The following STX18 variants were observed in gnomAD, a reference collection of about 807,000 sequenced individuals.
The protein encoded by STX18 is syntaxin-18.
In STX18, 40 loss-of-function variants were observed where a neutral mutation model predicts 50.1. That is an observed-to-expected ratio of 0.80 (90% CI 0.62 to 1.04). STX18 has a LOEUF of 1.04. Among genes scored for constraint, STX18 ranks in the 50% least tolerant of loss-of-function variants. STX18 has a pLI of 0.00. For synonymous variants in STX18, 158 were observed against 151.8 expected, an observed-to-expected ratio of 1.04 and a Z score of -0.30; for missense variants, 410 against 415.8, an observed-to-expected ratio of 0.99 and a Z score of 0.12.
chr4:4,448,981 C>T (rs1726588005), intron 5 of STX18, among the ~76,000 whole-genome samples: 1 of 150,614 alleles, frequency 6.6e-6, no homozygotes, highest in South Asian at 2.1e-4. Context: ...AAGCAGTAGA[C>T]CAAAAAAAAA....
chr4:4,521,757 G>A (rs1260822040), intron 1 of STX18, among the ~76,000 whole-genome samples: 2 of 151,766 alleles, frequency 1.3e-5, no homozygotes, highest in Admixed American at 1.3e-4. Context: ...CAAGCCAACT[G>A]TCAACATCCT....
chr4:4,507,817 A>AG lies in STX18; in HGVS notation c.168+33979_168+33980insC. On this transcript the variant is annotated intron_variant, in intron 1 of 10. Coordinates refer to ENST00000306200, the MANE Select transcript of STX18 (RefSeq NM_016930.4). The stretch of plus-strand genomic sequence containing the variant: ...GACTAAATAAAATATATTCACAGTA[A>AG]AAAAAAAAAAAAAAAAAAAAGTTAA... 1.7e-5 allele frequency: 3 copies of AG among 175,658 alleles called. No homozygotes were observed. The Admixed American group carries it at 2.3e-4, about 13-fold the overall frequency. 10.9% of individuals were successfully genotyped at this position (175,658 alleles called of 1,614,324 possible). A position where few individuals can be genotyped will look rare whatever the true frequency, so the allele number is the denominator to read the frequency against.
chr4:4,432,346 G>A (rs564354877), intron 7 of STX18, among the ~76,000 whole-genome samples: 15 of 152,346 alleles, frequency 9.8e-5, no homozygotes, highest in African/African-American at 3.4e-4. Flanking sequence ...CTGCCATCCT[G>A]CATGCCCTGA....
chr4:4,436,392 A>T (rs954591858), intron 6 of STX18, among the ~76,000 whole-genome samples: 1 of 152,046 alleles, frequency 6.6e-6, no homozygotes, highest in African/African-American at 2.4e-5. Flanking sequence ...GAACATTTGT[A>T]CTTTCATCTA....
intron 1 of STX18, among the ~76,000 whole-genome samples, chr4:4,497,222 C>T (rs908943768): frequency 7.2e-5 from 11 of 152,174 alleles, no homozygotes; most frequent in Non-Finnish European, 1.2e-4. Flanking sequence ...CAGGATAGCT[C>T]GACCTCCAAT....
chr4:4,453,861 C>T (rs1726911213), intron 5 of STX18, among the ~76,000 whole-genome samples: 1 of 152,210 alleles, frequency 6.6e-6, no homozygotes, highest in South Asian at 2.1e-4. Context: ...ACTGGGCATA[C>T]ACTACATACT....
At chr4:4,449,618 C>T (rs1726640621) in intron 5 of STX18, among the ~76,000 whole-genome samples, 2 of 152,184 alleles carry the variant, frequency 1.3e-5, no homozygotes, top group Non-Finnish European at 2.9e-5. Context: ...TTTCTTCTTG[C>T]TGCATCCTAT....
At chr4:4,425,508 T>C (rs1013633750) in intron 7 of STX18, 1 of 537,194 alleles carries the variant, frequency 1.9e-6, no homozygotes, top group Non-Finnish European at 3.3e-6. Flanking sequence ...TGTATCTACC[T>C]ACCCGCTCTC....
intron 1 of STX18, among the ~76,000 whole-genome samples, chr4:4,523,373 TTCAATC>T (rs1408588699): frequency 1.3e-5 from 2 of 152,210 alleles, no homozygotes; most frequent in African/African-American, 4.8e-5. Context: ...TCCTCAAGGC[TTCAATC>T]TCCATTTACA....
At chr4:4,477,157 C>T (rs1388751740) in intron 1 of STX18, among the ~76,000 whole-genome samples, 2 of 152,148 alleles carry the variant, frequency 1.3e-5, no homozygotes, top group Non-Finnish European at 2.9e-5. Flanking sequence ...GCAGGAGAAT[C>T]ACTTGAACCC....
rs185295172 is a variant in STX18, at chr4:4,481,334, C to G, written c.169-9628G>C. On this transcript the variant is annotated intron_variant, in intron 1 of 10. Coordinates refer to ENST00000306200, the MANE Select transcript of STX18 (RefSeq NM_016930.4). Reference sequence around the variant, plus strand: ...CACTCACAACACTTCCAACAAAGACCTGATTGATTATGGAACACTAAGTAC... The same window carrying G: ...CACTCACAACACTTCCAACAAAGACGTGATTGATTATGGAACACTAAGTAC... 4.6e-5 allele frequency among the ~76,000 whole-genome samples: 7 copies of G among 152,324 alleles called. No homozygotes were observed. The East Asian group carries it at 7.7e-4, about 17-fold the overall frequency.
chr4:4,503,127 C>T (rs58128688), intron 1 of STX18, among the ~76,000 whole-genome samples: 5 of 152,276 alleles, frequency 3.3e-5, no homozygotes, highest in South Asian at 2.1e-4. Flanking sequence ...ATGACAGTTT[C>T]GGCATGTAAT....
intron 7 of STX18, chr4:4,425,797 G>C (rs1725215560): frequency 6.5e-6 from 1 of 153,026 alleles, no homozygotes; most frequent in Non-Finnish European, 1.5e-5. Flanking sequence ...GGCTGGGTGA[G>C]GACGGGTGCC....
intron 2 of STX18, among the ~76,000 whole-genome samples, chr4:4,469,858 G>GA (rs1309484293): frequency 6.6e-6 from 1 of 152,166 alleles, no homozygotes; most frequent in Non-Finnish European, 1.5e-5. Flanking sequence ...GGAGGAAACT[G>GA]AGAGACCCTA....
intron 1 of STX18, among the ~76,000 whole-genome samples, chr4:4,473,358 T>C (rs867416018): frequency 2.0e-5 from 3 of 150,112 alleles, no homozygotes; most frequent in Non-Finnish European, 3.0e-5. Flanking sequence ...AGTGGTGCCA[T>C]CTCGGCTCAG....
At chr4:4,486,445 A>G (rs1728702954) in intron 1 of STX18, among the ~76,000 whole-genome samples, 1 of 152,276 alleles carries the variant, frequency 6.6e-6, no homozygotes, top group Non-Finnish European at 1.5e-5. Flanking sequence ...GATACATTAT[A>G]AATGTTTTTG....
intron 1 of STX18, among the ~76,000 whole-genome samples, chr4:4,484,861 C>G (rs914778034): frequency 2.6e-5 from 4 of 152,186 alleles, no homozygotes; most frequent in Non-Finnish European, 5.9e-5. Context: ...CATTTGTTCA[C>G]TTGACAAATA....
At chr4:4,438,799 T>G (rs568702978) in intron 5 of STX18, among the ~76,000 whole-genome samples, 3 of 152,004 alleles carry the variant, frequency 2.0e-5, no homozygotes, top group South Asian at 2.1e-4. Flanking sequence ...ATACGCTCCA[T>G]AGACTGACAC....
At chr4:4,511,105 G>A (rs1729983757) in intron 1 of STX18, among the ~76,000 whole-genome samples, 1 of 152,092 alleles carries the variant, frequency 6.6e-6, no homozygotes, top group African/African-American at 2.4e-5. Flanking sequence ...AAACCACCAT[G>A]GCACATGTAT....
Sources: gnomAD v4.1 joint callset for allele counts (sites outside exome capture counted in the v4.1 genomes callset) on GRCh38, gnomAD v4.1.1 for gene constraint, MANE v1.5 for transcripts, NCBI Gene and HGNC (gene_info 2026-07-23, HGNC 2026-07-21) for gene names.